The following ADAMTS14 variants were observed in gnomAD, a reference collection of about 807,000 sequenced individuals.
ADAMTS14 encodes the protein ADAM metallopeptidase with thrombospondin type 1 motif 14.
A neutral mutation model predicts 128.6 loss-of-function variants in ADAMTS14; 100 were observed. That is an observed-to-expected ratio of 0.78 (90% CI 0.66 to 0.92). The LOEUF is 0.92. Among genes scored for constraint, ADAMTS14 ranks in the 40% least tolerant of loss-of-function variants. The pLI is 0.00. For synonymous variants in ADAMTS14, 665 were observed against 653.8 expected (o/e 1.02, Z -0.26); for missense variants, 1,562 against 1,658.6 (o/e 0.94, Z 1.01).
intron 3 of ADAMTS14, among the ~76,000 whole-genome samples, chr10:70,702,871 GT>G (rs1257520778): frequency 6.6e-6 from 1 of 152,162 alleles, no homozygotes; most frequent in African/African-American, 2.4e-5. Flanking sequence ...GCTGCCTGGT[GT>G]CTGGGCGTCA....
At position 70,727,891 on chromosome 10, in the gene ADAMTS14, C is replaced by T. The variant is rs540436561; in HGVS notation, c.871-1403C>T. Reference sequence around the variant, plus strand: ...CGGGTGGATCATGAGGTCAGGAGATCGAGACCATCCTGGCTAACACGGTGA... The same window carrying T: ...CGGGTGGATCATGAGGTCAGGAGATTGAGACCATCCTGGCTAACACGGTGA... On this transcript the variant is annotated intron_variant, in intron 4 of 21. Coordinates refer to ENST00000373207, the MANE Select transcript of ADAMTS14 (RefSeq NM_080722.4). 5.9e-5 allele frequency among the ~76,000 whole-genome samples: 9 copies of T among 152,152 alleles called. No homozygotes were observed. The South Asian group carries it at 6.2e-4, about 11-fold the overall frequency.
At chr10:70,739,704 C>T (rs1207446318) in intron 11 of ADAMTS14, among the ~76,000 whole-genome samples, 1 of 152,190 alleles carries the variant, frequency 6.6e-6, no homozygotes, top group African/African-American at 2.4e-5. Flanking sequence ...TGACCCCTCA[C>T]AGCACTGAGG....
chr10:70,705,059 G>C (rs1437183129), intron 3 of ADAMTS14, among the ~76,000 whole-genome samples: 1 of 151,654 alleles, frequency 6.6e-6, no homozygotes, highest in Non-Finnish European at 1.5e-5. Context: ...ACACACACAT[G>C]CTCATATACA....
intron 2 of ADAMTS14, among the ~76,000 whole-genome samples, chr10:70,700,775 G>T (rs1051951872): frequency 6.6e-6 from 1 of 152,246 alleles, no homozygotes; most frequent in Non-Finnish European, 1.5e-5. Context: ...CACCGGGCAG[G>T]ACGTTGGCAG....
chr10:70,679,436 T>A (rs1447804456), intron 2 of ADAMTS14, among the ~76,000 whole-genome samples: 1 of 152,226 alleles, frequency 6.6e-6, no homozygotes, highest in Non-Finnish European at 1.5e-5. Flanking sequence ...ACTAACACTC[T>A]GCACCTGGGA....
chr10:70,721,771 T>C (rs1841275122), intron 4 of ADAMTS14, among the ~76,000 whole-genome samples: 1 of 152,246 alleles, frequency 6.6e-6, no homozygotes, highest in Non-Finnish European at 1.5e-5. Flanking sequence ...TTCAGAGCAG[T>C]GCCCTTGCAT....
chr10:70,754,559 C>T (rs1024740005), intron 19 of ADAMTS14, among the ~76,000 whole-genome samples: 16 of 152,072 alleles, frequency 1.1e-4, no homozygotes, highest in African/African-American at 3.4e-4. Flanking sequence ...GGACAAGCCA[C>T]AGGAAGAGAC....
chr10:70,759,100 C>G (rs1391122534), intron 21 of ADAMTS14, among the ~76,000 whole-genome samples: 1 of 74,508 alleles, frequency 1.3e-5, no homozygotes, highest in Non-Finnish European at 3.0e-5. Context: ...GACTAGATGT[C>G]CTCAAAGGAC....
At chr10:70,701,225 A>G (rs1839774877) in intron 2 of ADAMTS14, among the ~76,000 whole-genome samples, 1 of 152,198 alleles carries the variant, frequency 6.6e-6, no homozygotes, top group African/African-American at 2.4e-5. Flanking sequence ...AGGTGGGAAA[A>G]TGGGTGGAAT....
rs1464713265 is a variant in ADAMTS14, at chr10:70,753,781, C to T, written c.2730-19C>T. 1 of 1,546,506 alleles carries T rather than the reference C, an allele frequency of 6.5e-7. No homozygotes were observed. The highest frequency in any genetic ancestry group is 1.2e-5 in the South Asian group (1 of 82,674). ...GTGCCCCCTTGGTCTCACCTCCTCT[C>T]CTTTCACCCTGTTTCCAGGTGGGTG... On this transcript the variant is annotated intron_variant, in intron 18 of 21. Coordinates refer to ENST00000373207, the MANE Select transcript of ADAMTS14 (RefSeq NM_080722.4).
At chr10:70,731,491 C>T (rs1841635934) in intron 6 of ADAMTS14, among the ~76,000 whole-genome samples, 1 of 152,170 alleles carries the variant, frequency 6.6e-6, no homozygotes, top group Admixed American at 6.5e-5. Context: ...TTGTCATTAC[C>T]CCCACCTTGG....
chr10:70,731,543 T>C (rs1203250225), intron 6 of ADAMTS14, among the ~76,000 whole-genome samples: 1 of 152,210 alleles, frequency 6.6e-6, no homozygotes, highest in African/African-American at 2.4e-5. Context: ...AGTGCTTAGC[T>C]GGTGCCGGCC....
At chr10:70,741,211 G>C (rs761829163) in intron 12 of ADAMTS14, 49 bp downstream of exon 12, 6 of 1,588,422 alleles carry the variant, frequency 3.8e-6, no homozygotes, top group Non-Finnish European at 5.2e-6. Context: ...GGCATCTGCG[G>C]GGGCTGTGTG....
intron 11 of ADAMTS14, 28 bp downstream of exon 11, chr10:70,739,018 G>A (rs887694112): frequency 2.3e-5 from 37 of 1,581,510 alleles, no homozygotes; most frequent in Admixed American, 3.4e-5. Flanking sequence ...GGGTGGGGAG[G>A]GCAGGGAGTC....
chr10:70,754,631 T>A (rs1842436064), intron 19 of ADAMTS14, among the ~76,000 whole-genome samples: 1 of 151,924 alleles, frequency 6.6e-6, no homozygotes, highest in Non-Finnish European at 1.5e-5. Flanking sequence ...TGGAGCTGAC[T>A]GGGAGGGATA....
chr10:70,744,424 AT>A (rs1296947817), intron 14 of ADAMTS14, among the ~76,000 whole-genome samples: 1 of 151,980 alleles, frequency 6.6e-6, no homozygotes. Flanking sequence ...TCCAAGAGAC[AT>A]TTTCCCGCTA....
At chr10:70,706,861 C>T (rs1840683017) in intron 3 of ADAMTS14, among the ~76,000 whole-genome samples, 1 of 152,232 alleles carries the variant, frequency 6.6e-6, no homozygotes, top group South Asian at 2.1e-4. Context: ...TGGGTAGCAG[C>T]GTAGAGGCGG....
chr10:70,753,835 GC>G lies in ADAMTS14; in HGVS notation c.2766del (p.Cys923ValfsTer108). ...VTEEWGACSR[S>X]CGKLGVQTRG... ...GAGGAGTGGGGTGCCTGCAGCCGGAGCTGTGGGAAGCTGGGGGTGCAGACAC... is the reference window on the plus strand; with the variant it reads ...GAGGAGTGGGGTGCCTGCAGCCGGAGTGTGGGAAGCTGGGGGTGCAGACAC... On this transcript the variant is annotated frameshift_variant, in exon 19 of 22. Coordinates refer to ENST00000373207, the MANE Select transcript of ADAMTS14 (RefSeq NM_080722.4). The G allele has an allele frequency of 6.3e-7, 1 of 1,591,488 alleles. No homozygotes were observed. Among genetic ancestry groups the G allele is most frequent in the Non-Finnish European group, 8.5e-7 (1 of 1,170,030 alleles).
At chr10:70,687,280 G>A (rs542539981) in intron 2 of ADAMTS14, among the ~76,000 whole-genome samples, 62 of 106,186 alleles carry the variant, frequency 5.8e-4, no homozygotes, top group African/African-American at 1.7e-3. Flanking sequence ...CTGGCCGGGC[G>A]TGGGGCTGAC....
Sources: allele counts gnomAD v4.1 joint callset (sites outside exome capture counted in the v4.1 genomes callset), GRCh38; gene constraint gnomAD v4.1.1; transcripts MANE v1.5; gene names NCBI Gene and HGNC (gene_info 2026-07-23, HGNC 2026-07-21).